PCDH15: variants seen among roughly 807,000 people sequenced by gnomAD.
PCDH15 encodes the protein protocadherin related 15.
In PCDH15, 129 loss-of-function variants were observed where a neutral mutation model predicts 178.5. The observed-to-expected ratio is 0.72, with a 90% confidence interval of 0.63 to 0.84. PCDH15 has a LOEUF of 0.84. Among genes scored for constraint, PCDH15 ranks in the 40% least tolerant of loss-of-function variants. The probability of loss-of-function intolerance (pLI) is 0.00; values close to 1 mark genes in which losing one functional copy is unlikely to be tolerated. For missense variants in PCDH15, 2,230 were observed against 2,099.9 expected, an observed-to-expected ratio of 1.06 and a Z score of -1.21; for synonymous variants, 800 against 732.0, an observed-to-expected ratio of 1.09 and a Z score of -1.50.
rs375926474 is a variant in PCDH15 at position 54,431,895 on chromosome 10, A to G, written c.158-52953T>C. On this transcript the variant is annotated intron_variant, in intron 3 of 37. Coordinates refer to ENST00000644397, the MANE Select transcript of PCDH15 (RefSeq NM_001384140.1). Reference sequence around the variant, plus strand: ...CAAAAATCTATTAGAACTGATAAACAAATTCAGGAAAGTTGCAGGATACAA... The same window carrying G: ...CAAAAATCTATTAGAACTGATAAACGAATTCAGGAAAGTTGCAGGATACAA... Among the ~76,000 whole-genome samples the G allele has an allele frequency of 5.3e-5, 8 of 152,266 alleles. No homozygotes were observed. In the East Asian group the frequency reaches 9.6e-4, roughly 18 times the overall value.
chr10:53,961,672 A>G, intron 22 of PCDH15, 80 bp downstream of exon 22: 1 of 1,043,704 alleles, frequency 9.6e-7, no homozygotes, highest in Non-Finnish European at 1.3e-6. Flanking sequence ...AAAGAAAAAA[A>G]TGTGCTGTCA....
chr10:55,132,529 TC>T (rs1838080851), intron 2 of PCDH15, among the ~76,000 whole-genome samples: 1 of 152,180 alleles, frequency 6.6e-6, no homozygotes, highest in Non-Finnish European at 1.5e-5. Flanking sequence ...ATTTATATGT[TC>T]CTAGATGTCT....
intron 13 of PCDH15, among the ~76,000 whole-genome samples, chr10:54,173,963 C>G (rs555236646): frequency 6.6e-6 from 1 of 152,226 alleles, no homozygotes; most frequent in South Asian, 2.1e-4. Flanking sequence ...TGAAAGTTAT[C>G]TCATCACTGT....
chr10:54,345,056 T>C (rs918617466), intron 6 of PCDH15, among the ~76,000 whole-genome samples: 6 of 150,728 alleles, frequency 4.0e-5, no homozygotes, highest in African/African-American at 1.2e-4. Flanking sequence ...GAGAACACAA[T>C]AGAGGAAGAG....
chr10:53,866,499 A>G, intron 27 of PCDH15, 143 bp downstream of exon 27: 1 of 592,634 alleles, frequency 1.7e-6, no homozygotes, highest in South Asian at 1.7e-5. Context: ...CCTAAACTAT[A>G]GTGACTAACA....
intron 13 of PCDH15, among the ~76,000 whole-genome samples, chr10:54,162,112 T>C (rs2045773657): frequency 6.6e-6 from 1 of 152,162 alleles, no homozygotes. Context: ...TATCCATTTT[T>C]TTCTGCTACA....
At chr10:55,517,286 G>T (rs1043840953) in intron 2 of PCDH15, among the ~76,000 whole-genome samples, 3 of 152,012 alleles carry the variant, frequency 2.0e-5, no homozygotes, top group Non-Finnish European at 4.4e-5. Context: ...GAAAAACCAG[G>T]ATGTAAATTA....
chr10:54,008,691 A>G (rs2092466968), intron 20 of PCDH15, among the ~76,000 whole-genome samples: 1 of 144,364 alleles, frequency 6.9e-6, no homozygotes, highest in Admixed American at 7.0e-5. Context: ...ATCTGGGAAG[A>G]AAAGGGGAAA....
At chr10:55,607,082 G>A (rs1299873953) in intron 2 of PCDH15, among the ~76,000 whole-genome samples, 1 of 152,114 alleles carries the variant, frequency 6.6e-6, no homozygotes, top group Non-Finnish European at 1.5e-5. Flanking sequence ...CAAAAAGTGG[G>A]CAAAGGATAT....
At chr10:55,309,340 A>T (rs899853070) in intron 1 of PCDH15, among the ~76,000 whole-genome samples, 4 of 151,948 alleles carry the variant, frequency 2.6e-5, no homozygotes, top group Non-Finnish European at 5.9e-5. Context: ...ACAAAGCAAG[A>T]CCCCACCTTT....
chr10:54,802,658 A>G (rs1464214936), upstream of PCDH15, among the ~76,000 whole-genome samples: 1 of 152,204 alleles, frequency 6.6e-6, no homozygotes, highest in Non-Finnish European at 1.5e-5. Context: ...ATTTTGTGTG[A>G]GAAGTTTTTC....
intron 2 of PCDH15, among the ~76,000 whole-genome samples, chr10:55,579,960 A>C: frequency 6.6e-6 from 1 of 152,034 alleles, no homozygotes; most frequent in East Asian, 1.9e-4. Flanking sequence ...GGGTTCAAGC[A>C]ATTCTCATGC....
At chr10:55,403,325 C>T (rs1665592) in intron 2 of PCDH15, among the ~76,000 whole-genome samples, 69,727 of 151,498 alleles carry the variant, frequency 0.46, 16,824 homozygotes, top group Middle Eastern at 0.52. Flanking sequence ...TACATGTGGT[C>T]TCTTCACTCT....
At chr10:54,809,825 G>C (rs1952835811) in intron 3 of PCDH15, among the ~76,000 whole-genome samples, 1 of 152,146 alleles carries the variant, frequency 6.6e-6, no homozygotes. Context: ...TATATTGTCA[G>C]TTTGCTCAAG....
At chr10:55,479,993 G>C (rs1021283388) in intron 2 of PCDH15, among the ~76,000 whole-genome samples, 2 of 149,518 alleles carry the variant, frequency 1.3e-5, no homozygotes, top group Non-Finnish European at 1.5e-5. Context: ...GCTCTTTTTT[G>C]GTTCCATATG....
At chr10:55,515,135 C>G (rs938422294) in intron 2 of PCDH15, among the ~76,000 whole-genome samples, 8 of 151,612 alleles carry the variant, frequency 5.3e-5, no homozygotes, top group Admixed American at 1.3e-4. Flanking sequence ...ATTACAGAAG[C>G]TCGCCACCAC....
chr10:54,463,374 T>C (rs899359665), intron 3 of PCDH15, among the ~76,000 whole-genome samples: 3 of 152,180 alleles, frequency 2.0e-5, no homozygotes, highest in Admixed American at 1.3e-4. Context: ...CAAAAAATAA[T>C]GGCTATTACT....
At chr10:53,910,845 G>A (rs530802774) in intron 25 of PCDH15, among the ~76,000 whole-genome samples, 13 of 152,210 alleles carry the variant, frequency 8.5e-5, no homozygotes, top group African/African-American at 2.6e-4. Context: ...TGAAAACCAT[G>A]CACGAAACTA....
chr10:55,392,486 C>G (rs1837819809), intron 2 of PCDH15, among the ~76,000 whole-genome samples: 1 of 152,086 alleles, frequency 6.6e-6, no homozygotes, highest in Admixed American at 6.6e-5. Flanking sequence ...GTTCCAGCAT[C>G]CAATCCAGGA....
Sources: gnomAD v4.1 joint callset for allele counts (sites outside exome capture counted in the v4.1 genomes callset) on GRCh38, gnomAD v4.1.1 for gene constraint, MANE v1.5 for transcripts, NCBI Gene and HGNC (gene_info 2026-07-23, HGNC 2026-07-21) for gene names.